SMYD3: variants seen among roughly 807,000 people sequenced by gnomAD.
SMYD3 encodes SET and MYND domain containing 3.
Under a neutral mutation model 57.7 loss-of-function variants are expected in SMYD3, and 36 were observed. The ratio of observed to expected loss-of-function variants is 0.62; its 90% confidence interval spans 0.48 to 0.82. The LOEUF is 0.82. SMYD3 is among the 40% of genes least tolerant of loss of function. The probability of loss-of-function intolerance (pLI) is 0.00; values close to 1 mark genes in which losing one functional copy is unlikely to be tolerated. For synonymous variants in SMYD3, 211 were observed against 195.0 expected, an observed-to-expected ratio of 1.08 and a Z score of -0.68; for missense variants, 515 against 538.8, an observed-to-expected ratio of 0.96 and a Z score of 0.44.
At chr1:246,164,350 G>A (rs2062170148) in intron 5 of SMYD3, among the ~76,000 whole-genome samples, 1 of 152,214 alleles carries the variant, frequency 6.6e-6, no homozygotes, top group Admixed American at 6.5e-5. Context: ...AACCCGGGAG[G>A]CGGAGGTTGC....
At chr1:245,885,233 C>G (rs2053024352) in intron 8 of SMYD3, among the ~76,000 whole-genome samples, 1 of 152,198 alleles carries the variant, frequency 6.6e-6, no homozygotes, top group Non-Finnish European at 1.5e-5. Context: ...AAACTCCAGA[C>G]ACACCATCTT....
chr1:246,188,686 C>T (rs986060802), intron 5 of SMYD3, among the ~76,000 whole-genome samples: 1 of 151,868 alleles, frequency 6.6e-6, no homozygotes, highest in African/African-American at 2.4e-5. Flanking sequence ...TGGGGCCAGG[C>T]GTGGTGGCTC....
intron 5 of SMYD3, among the ~76,000 whole-genome samples, chr1:246,320,680 T>C (rs900163414): frequency 1.3e-5 from 2 of 152,070 alleles, no homozygotes; most frequent in Non-Finnish European, 2.9e-5. Flanking sequence ...AAGAAAGTTA[T>C]AAGCCCAGAA....
At chr1:246,212,119 C>T (rs1472299909) in intron 5 of SMYD3, among the ~76,000 whole-genome samples, 1 of 151,874 alleles carries the variant, frequency 6.6e-6, no homozygotes, top group African/African-American at 2.4e-5. Context: ...GCATCATGTG[C>T]CAGAAAAGAC....
intron 5 of SMYD3, among the ~76,000 whole-genome samples, chr1:246,261,354 GCT>G (rs1054852802): frequency 4.1e-5 from 6 of 147,182 alleles, no homozygotes; most frequent in African/African-American, 9.9e-5. Flanking sequence ...ACCGCACCCA[GCT>G]CTCTTTGTTT....
At chr1:246,280,993 T>C (rs990806299) in intron 5 of SMYD3, among the ~76,000 whole-genome samples, 1 of 152,246 alleles carries the variant, frequency 6.6e-6, no homozygotes, top group Non-Finnish European at 1.5e-5. Context: ...TCCAAAGAAG[T>C]ATCTCCTATA....
chr1:246,313,242 G>A (rs2065107027), intron 5 of SMYD3, among the ~76,000 whole-genome samples: 1 of 152,072 alleles, frequency 6.6e-6, no homozygotes, highest in Admixed American at 6.6e-5. Flanking sequence ...TGGCCAAATG[G>A]GAAACAAGAA....
intron 5 of SMYD3, among the ~76,000 whole-genome samples, chr1:246,293,684 TTCA>T (rs112378939): frequency 0.019 from 2,819 of 152,282 alleles, 65 homozygotes; most frequent in East Asian, 0.088. Context: ...GAAATATCAC[TTCA>T]TCATTAATAA....
rs193087242 is a variant in SMYD3 at position 246,346,891 on chromosome 1, T to A, written c.228+8140A>T. On this transcript the variant is annotated intron_variant, in intron 2 of 11. Transcript: ENST00000490107. ...GTTGGAATTATCAGACTAGGAATTT[T>A]AAAAAACTATAATTAATATGCTAAG... Among the ~76,000 whole-genome samples, 22 of 152,260 alleles carry A rather than the reference T, an allele frequency of 1.4e-4. 1 individual carries two copies. The East Asian group carries it at 4.2e-3, about 29-fold the overall frequency.
intron 1 of SMYD3, among the ~76,000 whole-genome samples, chr1:246,463,364 G>A (rs528695506): frequency 6.2e-4 from 95 of 152,228 alleles, no homozygotes; most frequent in Admixed American, 1.2e-3. Context: ...GAGGGAGAGA[G>A]GATGTCACAA....
At chr1:246,290,986 G>A (rs947602672) in intron 5 of SMYD3, among the ~76,000 whole-genome samples, 3 of 151,820 alleles carry the variant, frequency 2.0e-5, no homozygotes, top group Non-Finnish European at 4.4e-5. Flanking sequence ...TAAAAAACAA[G>A]ACTATTTGTT....
chr1:245,893,759 A>ACGG (rs1558466084), intron 8 of SMYD3, among the ~76,000 whole-genome samples: 1 of 151,700 alleles, frequency 6.6e-6, no homozygotes, highest in Non-Finnish European at 1.5e-5. Flanking sequence ...CTCTATCTTG[A>ACGG]TGGTGGTGGT....
intron 5 of SMYD3, among the ~76,000 whole-genome samples, chr1:246,081,051 A>G (rs944069028): frequency 3.3e-5 from 5 of 152,368 alleles, no homozygotes; most frequent in Admixed American, 3.3e-4. Flanking sequence ...TTTGATTATC[A>G]TAAACTATCA....
At chr1:246,115,579 G>A (rs1305819886) in intron 5 of SMYD3, among the ~76,000 whole-genome samples, 25 of 152,298 alleles carry the variant, frequency 1.6e-4, no homozygotes, top group Admixed American at 1.4e-3. Flanking sequence ...GTCAAAAGTC[G>A]CAGCTTCAAG....
chr1:246,490,564 C>T (rs1382229575), intron 1 of SMYD3, among the ~76,000 whole-genome samples: 6 of 152,120 alleles, frequency 3.9e-5, no homozygotes, highest in African/African-American at 1.4e-4. Flanking sequence ...TATAATAATA[C>T]CTAAATTCCA....
intron 5 of SMYD3, among the ~76,000 whole-genome samples, chr1:246,101,064 G>GTTTTTTTTTTTTTTTTTTTTTT (rs538220674): frequency 1.3e-5 from 1 of 78,564 alleles, no homozygotes; most frequent in African/African-American, 3.7e-5. Flanking sequence ...ATTTTTAGGG[G>GTTTTTTTTTTTTTTTTTTTTTT]TTTTTTGTTT....
chr1:246,385,534 G>T (rs1353663121), intron 1 of SMYD3, among the ~76,000 whole-genome samples: 1 of 152,006 alleles, frequency 6.6e-6, no homozygotes, highest in African/African-American at 2.4e-5. Flanking sequence ...AGGAGAGAAA[G>T]GACCCACCTT....
chr1:246,233,963 A>G (rs201926442), intron 5 of SMYD3, among the ~76,000 whole-genome samples: 37 of 115,134 alleles, frequency 3.2e-4, no homozygotes, highest in Middle Eastern at 4.3e-3. Flanking sequence ...TACCACACAG[A>G]GGAGAAGCAC....
At chr1:245,779,299 AGAAAAG>A (rs1242721895) in intron 10 of SMYD3, among the ~76,000 whole-genome samples, 1 of 152,236 alleles carries the variant, frequency 6.6e-6, no homozygotes, top group African/African-American at 2.4e-5. Context: ...AAAGCCAAAA[AGAAAAG>A]GAAAAGAAAA....
Sources: allele counts gnomAD v4.1 joint callset (sites outside exome capture counted in the v4.1 genomes callset), GRCh38; gene constraint gnomAD v4.1.1; transcripts MANE v1.5; gene names NCBI Gene and HGNC (gene_info 2026-07-23, HGNC 2026-07-21).